SATB2: variants seen among roughly 807,000 people sequenced by gnomAD.
The protein encoded by SATB2 is DNA-binding protein SATB2.
Under a neutral mutation model 73.4 loss-of-function variants are expected in SATB2, and 1 was observed. The ratio of observed to expected loss-of-function variants is 0.01; its 90% CI spans 0.00 to 0.06. The LOEUF is 0.06. SATB2 is among the 10% of genes least tolerant of loss of function. SATB2 has a pLI of 1.00. For missense variants in SATB2, 459 were observed against 945.8 expected, an observed-to-expected ratio of 0.49 and a Z score of 6.75; for synonymous variants, 397 against 367.0, an observed-to-expected ratio of 1.08 and a Z score of -0.93.
intron 5 of SATB2, among the ~76,000 whole-genome samples, chr2:199,376,127 C>T (rs945334238): frequency 6.6e-6 from 1 of 152,122 alleles, no homozygotes; most frequent in African/African-American, 2.4e-5. Flanking sequence ...CATTACATAT[C>T]CATGATAGCT....
At chr2:199,458,712 A>G (rs1023837788), upstream of SATB2, 6 of 439,822 alleles carry the variant, frequency 1.4e-5, no homozygotes, top group Non-Finnish European at 2.7e-5. Context: ...AACTGCGCGG[A>G]GTACTTTCGA....
chr2:199,302,055 T>C (rs1020111546), intron 10 of SATB2, among the ~76,000 whole-genome samples: 1 of 152,204 alleles, frequency 6.6e-6, no homozygotes, highest in African/African-American at 2.4e-5. Context: ...AGCTGGAATT[T>C]GTCTTGTAAA....
intron 10 of SATB2, among the ~76,000 whole-genome samples, chr2:199,285,877 G>GTTTTTTTTTTTTTTTTTTTTTTTTTTTT (rs1236266312): frequency 7.3e-6 from 1 of 136,304 alleles, no homozygotes; most frequent in Non-Finnish European, 1.6e-5. Context: ...GCCTTAGTCT[G>GTTTTTTTTTTTTTTTTTTTTTTTTTTTT]TTTTTTTTTT....
At chr2:199,290,328 TC>T (rs1476861378) in intron 10 of SATB2, among the ~76,000 whole-genome samples, 3 of 152,186 alleles carry the variant, frequency 2.0e-5, no homozygotes, top group Non-Finnish European at 2.9e-5. Context: ...TCTCCACTGA[TC>T]TCTGGGCTCC....
intron 3 of SATB2, among the ~76,000 whole-genome samples, chr2:199,417,608 GA>G (rs1420053013): frequency 6.6e-6 from 1 of 151,848 alleles, no homozygotes; most frequent in Non-Finnish European, 1.5e-5. Flanking sequence ...CCAAGGAACA[GA>G]AAAAAAATTT....
Position 199,308,883 on chromosome 2 carries a change from A to G in SATB2, c.1617T>C (p.Cys539=). 1.2e-6 allele frequency: 2 copies of G among 1,614,152 alleles called. No homozygotes were observed. Among genetic ancestry groups the G allele is most frequent in the Non-Finnish European group, 1.7e-6 (2 of 1,180,006 alleles). The part of the protein sequence containing the change: ...PENRTLWENL[C]TIRRFLNLPQ... Reference sequence around the variant, plus strand: ...GAAGGTTCAGGAAGCGACGGATGGTACAGAGGTTTTCCCAGAGGGTGCGGT... The same window carrying G: ...GAAGGTTCAGGAAGCGACGGATGGTGCAGAGGTTTTCCCAGAGGGTGCGGT... Residue 539 remains cysteine, a synonymous_variant, in exon 10 of 11, where the codon TGT becomes TGC. Coordinates refer to ENST00000417098, the MANE Select transcript of SATB2 (RefSeq NM_001172509.2). The surrounding 1 kb of genome is among the most constrained non-coding windows in gnomAD (Gnocchi z 4.6).
At chr2:199,334,593 G>T (rs931833784) in intron 7 of SATB2, among the ~76,000 whole-genome samples, 3 of 151,798 alleles carry the variant, frequency 2.0e-5, no homozygotes, top group African/African-American at 7.3e-5. Context: ...TCCAAATAAG[G>T]TCCCTTATTC....
upstream of SATB2, chr2:199,458,672 A>T (rs764552684): frequency 2.3e-6 from 1 of 442,098 alleles, no homozygotes; most frequent in African/African-American, 2.1e-5. Context: ...GCAAGAGGCG[A>T]CCGCGGCTGC....
intron 3 of SATB2, chr2:199,423,579 T>G (rs376163928): frequency 1.3e-5 from 2 of 152,108 alleles, no homozygotes; most frequent in South Asian, 2.1e-4. Flanking sequence ...TATCTTTCAT[T>G]GCAGATTATC....
intron 3 of SATB2, among the ~76,000 whole-genome samples, chr2:199,386,722 A>G (rs904556635): frequency 3.9e-3 from 27 of 7,008 alleles, no homozygotes; most frequent in African/African-American, 5.4e-3. Context: ...GCGCGCACAC[A>G]CACACACACA....
chr2:199,311,016 G>A (rs1687580514), intron 9 of SATB2, among the ~76,000 whole-genome samples: 1 of 152,228 alleles, frequency 6.6e-6, no homozygotes, highest in Non-Finnish European at 1.5e-5. Flanking sequence ...TGGACTGTGT[G>A]CTGTCTGCCA....
Position 199,308,717 on chromosome 2 carries a change from C to T in SATB2, c.1740+43G>A, listed in dbSNP as rs1687508478. On this transcript the variant is annotated intron_variant, in intron 10 of 10. Transcript: ENST00000417098. This position sits in a 1 kb window ranked among gnomAD's most constrained non-coding sequence, Gnocchi z 4.6. ...ACCCTCAGCAGCTACTGCTGGCACA[C>T]AGAGCCCTGATCAGGTGGGGTACGG... The T allele has an allele frequency of 6.4e-7, 1 of 1,564,050 alleles. No individual in the cohort carries two copies. Among genetic ancestry groups the T allele is most frequent in the Non-Finnish European group, 8.8e-7 (1 of 1,135,662 alleles).
rs551060991 is a variant in SATB2 at position 199,324,969 on chromosome 2, T to G, written c.1387-1011A>C. 4.6e-5 allele frequency among the ~76,000 whole-genome samples: 7 copies of G among 152,278 alleles called. No individual in the cohort carries two copies. The East Asian group carries it at 1.4e-3, about 29-fold the overall frequency. On this transcript the variant is annotated intron_variant, in intron 8 of 10. Transcript: ENST00000417098. ...TATCTCCAAATCACAAGTTTCCCTG[T>G]GCGGATGCCCTGAGCTGTTCTCTAC...
chr2:199,311,856 AC>A (rs1687604781), intron 9 of SATB2, among the ~76,000 whole-genome samples: 1 of 152,076 alleles, frequency 6.6e-6, no homozygotes. Flanking sequence ...TTTTCTCAAT[AC>A]GGTCTCTTAT....
intron 3 of SATB2, among the ~76,000 whole-genome samples, chr2:199,400,324 T>C (rs1357998570): frequency 6.6e-6 from 1 of 152,184 alleles, no homozygotes; most frequent in Non-Finnish European, 1.5e-5. Flanking sequence ...ATTTGGCAAA[T>C]GAATACCTAG....
Position 199,344,023 on chromosome 2 carries a change from C to G in SATB2, c.1173+4678G>C, listed in dbSNP as rs779544373. ...AGGTCCTTGGCAAAGTATACACTCT[C>G]GCCAATATGGTCTGTCTTTGTTTTG... On this transcript the variant is annotated intron_variant, in intron 7 of 10. Transcript: ENST00000417098. Among the ~76,000 whole-genome samples the G allele has an allele frequency of 3.9e-5, 6 of 152,172 alleles. No individual in the cohort carries two copies. The South Asian group carries it at 1.2e-3, about 32-fold the overall frequency.
At chr2:199,277,258 A>G (rs918552725) in intron 10 of SATB2, among the ~76,000 whole-genome samples, 1 of 152,176 alleles carries the variant, frequency 6.6e-6, no homozygotes, top group African/African-American at 2.4e-5. Flanking sequence ...TGTGTTTGTT[A>G]AAAGGATGTG....
intron 10 of SATB2, among the ~76,000 whole-genome samples, chr2:199,279,460 T>C (rs1692415177): frequency 6.6e-6 from 1 of 152,228 alleles, no homozygotes; most frequent in South Asian, 2.1e-4. Context: ...TTTAGGAAAG[T>C]ATGTAATTCA....
intron 6 of SATB2, among the ~76,000 whole-genome samples, chr2:199,358,749 T>A (rs546662719): frequency 6.6e-6 from 1 of 152,152 alleles, no homozygotes; most frequent in Admixed American, 6.5e-5. Context: ...CACAGAAACA[T>A]ATATCCACCA....
Sources: allele counts gnomAD v4.1 joint callset (sites outside exome capture counted in the v4.1 genomes callset), GRCh38; gene constraint gnomAD v4.1.1; non-coding constraint Gnocchi (gnomAD v3.1); transcripts MANE v1.5; gene names NCBI Gene and HGNC (gene_info 2026-07-23, HGNC 2026-07-21).